Variants in PTPRT observed in about 807,000 individuals in gnomAD.
PTPRT encodes the protein receptor-type tyrosine-protein phosphatase T.
In PTPRT, 56 loss-of-function variants were observed where a neutral mutation model predicts 176.8. The ratio of observed to expected loss-of-function variants is 0.32; its 90% confidence interval spans 0.26 to 0.40. The LOEUF is 0.40. Ranked by LOEUF, PTPRT falls within the 10% of genes least tolerant of loss-of-function variation. PTPRT has a pLI of 1.00. For missense variants in PTPRT, 1,540 were observed against 1,908.2 expected (o/e 0.81, Z 3.60); for synonymous variants, 783 against 739.0 (o/e 1.06, Z -0.96).
At chr20:42,829,537 G>A (rs2078052998) in intron 2 of PTPRT, among the ~76,000 whole-genome samples, 1 of 152,156 alleles carries the variant, frequency 6.6e-6, no homozygotes, top group Admixed American at 6.5e-5. Flanking sequence ...AAACCAGCCT[G>A]ACCAACATGG....
intron 1 of PTPRT, among the ~76,000 whole-genome samples, chr20:42,944,558 C>G (rs889488546): frequency 5.3e-5 from 8 of 152,198 alleles, no homozygotes; most frequent in African/African-American, 1.9e-4. Flanking sequence ...GTTCCCTGGC[C>G]TCACTGGTCT....
chr20:42,817,804 T>C (rs1000137523), intron 2 of PTPRT, among the ~76,000 whole-genome samples: 4 of 152,146 alleles, frequency 2.6e-5, no homozygotes, highest in Non-Finnish European at 5.9e-5. Context: ...TCCTTCCTCA[T>C]TGGGCAGGGC....
intron 11 of PTPRT, among the ~76,000 whole-genome samples, chr20:42,334,146 G>C (rs1164900258): frequency 6.6e-6 from 1 of 152,082 alleles, no homozygotes; most frequent in African/African-American, 2.4e-5. Flanking sequence ...AGTCTATTAA[G>C]ACCCCCATGG....
intron 1 of PTPRT, among the ~76,000 whole-genome samples, chr20:42,936,447 G>A (rs1269204827): frequency 3.9e-5 from 6 of 152,200 alleles, no homozygotes; most frequent in East Asian, 1.9e-4. Context: ...GGCATATCAC[G>A]GAAAGCCTCA....
intron 8 of PTPRT, among the ~76,000 whole-genome samples, chr20:42,459,306 T>C (rs553249344): frequency 2.3e-4 from 35 of 152,314 alleles, no homozygotes; most frequent in South Asian, 6.2e-4. Flanking sequence ...TCTGGTCACC[T>C]GGAGCATGTG....
At position 43,146,347 on chromosome 20, in the gene PTPRT, T is replaced by C. The variant is rs192134660; in HGVS notation, c.88+43299A>G. On this transcript the variant is annotated intron_variant, in intron 1 of 30. Transcript: ENST00000373187. ...TAGCAAGGCAGGAATGCTTTGGGGA[T>C]TATGTCCTGAATATCAACCATCTCT... is the stretch of plus-strand genomic sequence containing the variant. Among the ~76,000 whole-genome samples, 9 of 152,282 alleles carry C rather than the reference T, an allele frequency of 5.9e-5. No homozygotes were observed. The South Asian group carries it at 6.2e-4, about 11-fold the overall frequency.
At chr20:42,982,821 G>A (rs1432316081) in intron 1 of PTPRT, among the ~76,000 whole-genome samples, 4 of 152,216 alleles carry the variant, frequency 2.6e-5, no homozygotes, top group African/African-American at 9.6e-5. Flanking sequence ...GACACGGAGA[G>A]CAGAGGTTGA....
At chr20:42,672,244 G>T (rs1203632004) in intron 7 of PTPRT, among the ~76,000 whole-genome samples, 1 of 152,178 alleles carries the variant, frequency 6.6e-6, no homozygotes, top group Admixed American at 6.5e-5. Context: ...TGCCAGCATG[G>T]CCAGAATAAA....
intron 6 of PTPRT, among the ~76,000 whole-genome samples, chr20:42,735,967 T>C (rs1490051907): frequency 2.0e-5 from 3 of 152,120 alleles, no homozygotes; most frequent in African/African-American, 4.8e-5. Flanking sequence ...ATAAGAATCA[T>C]AATAATTTTG....
At chr20:42,675,069 C>T (rs147255551) in intron 7 of PTPRT, among the ~76,000 whole-genome samples, 11 of 152,316 alleles carry the variant, frequency 7.2e-5, no homozygotes, top group Non-Finnish European at 4.4e-5. Flanking sequence ...CCAACCCCTA[C>T]CTGGCCCGTC....
intron 25 of PTPRT, among the ~76,000 whole-genome samples, chr20:42,103,968 C>T (rs1164687293): frequency 6.6e-6 from 1 of 152,184 alleles, no homozygotes; most frequent in Non-Finnish European, 1.5e-5. Flanking sequence ...GTGCATAGAT[C>T]AGTTGTCCCA....
At chr20:42,797,479 G>A (rs2077468472) in intron 2 of PTPRT, among the ~76,000 whole-genome samples, 1 of 151,992 alleles carries the variant, frequency 6.6e-6, no homozygotes, top group South Asian at 2.1e-4. Flanking sequence ...GAGAATATGT[G>A]GAGCCTTACA....
chr20:42,937,235 C>T (rs1980243426), intron 1 of PTPRT, among the ~76,000 whole-genome samples: 1 of 152,208 alleles, frequency 6.6e-6, no homozygotes. Flanking sequence ...CTATCCAACG[C>T]ACTGCTCCTA....
chr20:42,317,207 T>C (rs2057733509), intron 11 of PTPRT, among the ~76,000 whole-genome samples: 1 of 152,248 alleles, frequency 6.6e-6, no homozygotes, highest in Non-Finnish European at 1.5e-5. Flanking sequence ...TCTAGTGATC[T>C]CATATTGTTC....
downstream of PTPRT, among the ~76,000 whole-genome samples, chr20:42,069,482 G>C (rs1982229058): frequency 6.6e-6 from 1 of 152,076 alleles, no homozygotes; most frequent in African/African-American, 2.4e-5. Flanking sequence ...GGCAGGTCTT[G>C]GGGTATGACC....
intron 22 of PTPRT, among the ~76,000 whole-genome samples, chr20:42,112,164 G>A (rs1438009479): frequency 6.6e-6 from 1 of 152,222 alleles, no homozygotes; most frequent in East Asian, 1.9e-4. Context: ...CATTTTAGGA[G>A]GCTGCATCCT....
rs552365519 is a variant in PTPRT, at chr20:43,081,111, C to T, written c.88+108535G>A. Among the ~76,000 whole-genome samples, 3 of 152,324 alleles carry T rather than the reference C, an allele frequency of 2.0e-5. No homozygotes were observed. In the South Asian group the frequency reaches 6.2e-4, roughly 32 times the overall value. On this transcript the variant is annotated intron_variant, in intron 1 of 30. Transcript: ENST00000373187. The stretch of plus-strand genomic sequence containing the variant: ...TGTCTTCTTTGGTACTATCCTCATT[C>T]AGTTTTGATACTGAGGATATAAATT...
chr20:42,569,870 G>C (rs1432597389), intron 7 of PTPRT, among the ~76,000 whole-genome samples: 1 of 152,098 alleles, frequency 6.6e-6, no homozygotes, highest in African/African-American at 2.4e-5. Flanking sequence ...ATTTATTTGT[G>C]TATTCATGTT....
At chr20:42,586,818 T>C (rs1024556603) in intron 7 of PTPRT, among the ~76,000 whole-genome samples, 1 of 152,180 alleles carries the variant, frequency 6.6e-6, no homozygotes, top group Non-Finnish European at 1.5e-5. Flanking sequence ...CCCATGTATA[T>C]AACCCGAGAC....
Sources: allele counts gnomAD v4.1 joint callset (sites outside exome capture counted in the v4.1 genomes callset), GRCh38; gene constraint gnomAD v4.1.1; transcripts MANE v1.5; gene names NCBI Gene and HGNC (gene_info 2026-07-23, HGNC 2026-07-21).